Variants in EMP2 observed in about 807,000 individuals in gnomAD.
EMP2 encodes epithelial membrane protein 2.
Under a neutral mutation model 13.7 loss-of-function variants are expected in EMP2, and 19 were observed. That is an observed-to-expected ratio of 1.38 (90% CI 0.97 to 2.03). The LOEUF (loss-of-function observed/expected upper bound fraction) is 2.03, where lower values mean the gene tolerates loss of function less well. Ranked by LOEUF, EMP2 falls within the 30% of genes most tolerant of loss-of-function variation. EMP2 has a pLI of 0.00. For synonymous variants in EMP2, 97 were observed against 84.7 expected, an observed-to-expected ratio of 1.15 and a Z score of -0.80; for missense variants, 253 against 220.7, an observed-to-expected ratio of 1.15 and a Z score of -0.93.
At chr16:10,565,980 C>G (rs941142119) in intron 1 of EMP2, among the ~76,000 whole-genome samples, 1 of 152,236 alleles carries the variant, frequency 6.6e-6, no homozygotes, top group African/African-American at 2.4e-5. Flanking sequence ...GAATCACGCA[C>G]TCATGCAGTC....
rs1314384916 is a variant in EMP2, at chr16:10,580,307, G to C, written c.-61+242C>G. Among the ~76,000 whole-genome samples, 1 of 152,158 alleles carries C rather than the reference G, an allele frequency of 6.6e-6. No individual in the cohort carries two copies. The highest frequency in any genetic ancestry group is 2.4e-5 in the African/African-American group (1 of 41,448). On this transcript the variant is annotated intron_variant, in intron 1 of 4. Coordinates refer to ENST00000359543, the MANE Select transcript of EMP2 (RefSeq NM_001424.6). The surrounding 1 kb of genome is among the most constrained non-coding windows in gnomAD (Gnocchi z 4.3). ...TCCCCAAACTTTTCCCGCCTGCTTC[G>C]GCTCAAAAGGCGTGGGAAGCTGTCC...
Position 10,547,590 on chromosome 16 carries a change from C to T in EMP2, c.28G>A (p.Ala10Thr), listed in dbSNP as rs587777482. 8.1e-5 allele frequency: 130 copies of T among 1,613,872 alleles called. No individual in the cohort carries two copies. The highest frequency in any genetic ancestry group is 1.5e-4 in the African/African-American group (11 of 74,870). MLVLLAFIIAFHITSAALLF... is the reference protein window; with the variant it reads MLVLLAFIITFHITSAALLF... ...AAGGCTGCAGAGGTGATGTGGAAGG[C>T]GATGATGAAAGCAAGAAGCACCAAC... The change falls in exon 2 of 5, where the codon GCC becomes ACC. Residue 10 changes from alanine to threonine, a missense_variant. Transcript: ENST00000359543.
intron 1 of EMP2, among the ~76,000 whole-genome samples, chr16:10,549,549 C>T (rs1340141110): frequency 6.6e-6 from 1 of 152,186 alleles, no homozygotes; most frequent in South Asian, 2.1e-4. Context: ...CTAATATCAA[C>T]ACTTGGTTCA....
chr16:10,566,130 C>T (rs1567209496), intron 1 of EMP2, among the ~76,000 whole-genome samples: 1 of 152,174 alleles, frequency 6.6e-6, no homozygotes, highest in Non-Finnish European at 1.5e-5. Flanking sequence ...ATCTGATTAC[C>T]GGACCCTAAG....
chr16:10,551,168 C>T (rs780353599), intron 1 of EMP2, among the ~76,000 whole-genome samples: 17 of 152,132 alleles, frequency 1.1e-4, no homozygotes, highest in Non-Finnish European at 1.8e-4. Context: ...CCCCAACCCC[C>T]AGCAACAAAT....
intron 1 of EMP2, among the ~76,000 whole-genome samples, chr16:10,560,858 A>G (rs991026215): frequency 2.4e-4 from 36 of 152,178 alleles, no homozygotes; most frequent in Non-Finnish European, 4.3e-4. Flanking sequence ...GGGCCCCAAG[A>G]TGGACCAGGA....
chr16:10,564,948 C>G (rs1220231482), intron 1 of EMP2, among the ~76,000 whole-genome samples: 1 of 152,206 alleles, frequency 6.6e-6, no homozygotes, highest in African/African-American at 2.4e-5. Context: ...TCAGCATCAC[C>G]TGCCATAAAT....
At chr16:10,538,416 G>T (rs946178395) in intron 3 of EMP2, among the ~76,000 whole-genome samples, 2 of 152,182 alleles carry the variant, frequency 1.3e-5, no homozygotes, top group Admixed American at 1.3e-4. Context: ...AGGTTCCAAC[G>T]TGGTAGATTG....
intron 1 of EMP2, among the ~76,000 whole-genome samples, chr16:10,565,480 C>A (rs545886594): frequency 6.6e-6 from 1 of 152,334 alleles, no homozygotes; most frequent in East Asian, 1.9e-4. Context: ...CATGGGTCTC[C>A]AAGCCTGCTG....
chr16:10,556,651 G>A (rs2050829740), intron 1 of EMP2, among the ~76,000 whole-genome samples: 1 of 152,198 alleles, frequency 6.6e-6, no homozygotes, highest in Non-Finnish European at 1.5e-5. Flanking sequence ...CATGACTAAA[G>A]GTCAAGCTTC....
chr16:10,558,256 G>A (rs1439636789), intron 1 of EMP2, among the ~76,000 whole-genome samples: 1 of 152,048 alleles, frequency 6.6e-6, no homozygotes, highest in Admixed American at 6.6e-5. Flanking sequence ...CAAACTCCTG[G>A]CCTCAAGCCA....
At chr16:10,550,072 G>A (rs1047032328) in intron 1 of EMP2, among the ~76,000 whole-genome samples, 11 of 151,858 alleles carry the variant, frequency 7.2e-5, no homozygotes, top group African/African-American at 2.7e-4. Context: ...TTTTAGTACA[G>A]ACAGGGTTTC....
At chr16:10,543,394 C>T (rs1567202586) in intron 3 of EMP2, among the ~76,000 whole-genome samples, 176 bp downstream of exon 3, 1 of 152,274 alleles carries the variant, frequency 6.6e-6, no homozygotes, top group Non-Finnish European at 1.5e-5. Flanking sequence ...ACACCCCTGG[C>T]ATCTCCAGCT....
At chr16:10,559,132 C>T (rs1020474758) in intron 1 of EMP2, 1 of 152,406 alleles carries the variant, frequency 6.6e-6, no homozygotes, top group Admixed American at 6.5e-5. Flanking sequence ...TCACCCAGGC[C>T]ACCCTGCAAG....
intron 1 of EMP2, among the ~76,000 whole-genome samples, chr16:10,568,780 C>CTTTTTTTTT (rs58406598): frequency 2.7e-4 from 23 of 85,236 alleles, no homozygotes; most frequent in East Asian, 1.1e-3. Context: ...CTAGGATTTT[C>CTTTTTTTTT]TTTTTTTTTT....
intron 3 of EMP2, among the ~76,000 whole-genome samples, chr16:10,542,083 G>C (rs1402171224): frequency 6.6e-6 from 1 of 152,100 alleles, no homozygotes; most frequent in Non-Finnish European, 1.5e-5. Context: ...CACAAAGACA[G>C]GATGCCCAGT....
chr16:10,555,048 C>T (rs2050817058), intron 1 of EMP2, among the ~76,000 whole-genome samples: 1 of 152,136 alleles, frequency 6.6e-6, no homozygotes, highest in Admixed American at 6.6e-5. Context: ...AAATGTAGAG[C>T]TGTAAAGGCC....
intron 2 of EMP2, chr16:10,544,984 G>C (rs2050729081): frequency 6.6e-6 from 1 of 152,304 alleles, no homozygotes; most frequent in South Asian, 2.1e-4. Context: ...GGTGGCTGCT[G>C]CCCTTCCCCC....
At chr16:10,569,852 A>G (rs1271004868) in intron 1 of EMP2, among the ~76,000 whole-genome samples, 1 of 152,168 alleles carries the variant, frequency 6.6e-6, no homozygotes, top group Non-Finnish European at 1.5e-5. Context: ...CCCATGTCAC[A>G]CTGGTATAAA....
Sources: allele counts gnomAD v4.1 joint callset (sites outside exome capture counted in the v4.1 genomes callset), GRCh38; gene constraint gnomAD v4.1.1; non-coding constraint Gnocchi (gnomAD v3.1); transcripts MANE v1.5; gene names NCBI Gene and HGNC (gene_info 2026-07-23, HGNC 2026-07-21).